The following STRN4 variants were observed in gnomAD, a reference collection of about 807,000 sequenced individuals.
STRN4 encodes striatin-4.
Under a neutral mutation model 77.9 loss-of-function variants are expected in STRN4, and 27 were observed. The ratio of observed to expected loss-of-function variants is 0.35; its 90% confidence interval spans 0.26 to 0.48. The LOEUF is 0.48. STRN4 is among the 20% of genes least tolerant of loss of function. The pLI, the probability that STRN4 is intolerant of heterozygous loss-of-function variation, is 0.99. For missense variants in STRN4, 798 were observed against 1,049.7 expected (o/e 0.76, Z 3.31); for synonymous variants, 466 against 443.1 (o/e 1.05, Z -0.65).
intron 7 of STRN4, 99 bp downstream of exon 7, chr19:46,728,519 G>A: frequency 6.9e-7 from 1 of 1,440,730 alleles, no homozygotes; most frequent in African/African-American, 1.4e-5. Context: ...CCGTCCGGTA[G>A]AGAGACCCTG....
chr19:46,738,786 T>C lies in STRN4; in HGVS notation c.385A>G (p.Arg129Gly). ...GCCCAGGGCAGGATGAAGGCTCACC[T>C]TTCCTGCTTCAGCGCATACTCTAGC... ...KMLEYALKQE[R>G]AKYHKLKFGT... Residue 129 changes from arginine to glycine, a missense_variant and splice_region_variant, in exon 2 of 18, where the codon AGG becomes GGG. Arg to Gly is a moderately radical substitution (Grantham distance 125, BLOSUM62 -2). Around this residue, in one of 2 missense-constraint regions of STRN4, gnomAD observed 511 missense variants for 575.9 expected, o/e 0.89. Coordinates refer to ENST00000263280, the MANE Select transcript of STRN4 (RefSeq NM_013403.3). The surrounding 1 kb of genome is among the most constrained non-coding windows in gnomAD (Gnocchi z 4.5). 3 of 1,614,070 alleles carry C rather than the reference T, an allele frequency of 1.9e-6. No individual in the cohort carries two copies. The highest frequency in any genetic ancestry group is 1.7e-6 in the Non-Finnish European group (2 of 1,179,970).
rs757741153 is a variant in STRN4, at chr19:46,738,894, A to G, written c.283-6T>C. 4.3e-6 allele frequency: 7 copies of G among 1,612,804 alleles called. No individual in the cohort carries two copies. The highest frequency in any genetic ancestry group is 5.9e-6 in the Non-Finnish European group (7 of 1,179,420). On this transcript the variant is annotated splice_polypyrimidine_tract_variant and splice_region_variant and intron_variant, in intron 1 of 17. Coordinates refer to ENST00000263280, the MANE Select transcript of STRN4 (RefSeq NM_013403.3). This position sits in a 1 kb window ranked among gnomAD's most constrained non-coding sequence, Gnocchi z 4.5. ...TGAAGGAAGGCCACCTGAGCCTGGG[A>G]GGGCAGACAGGAGGCAAAGGGAGAT... is the stretch of plus-strand genomic sequence containing the variant.
chr19:46,739,332 C>T (rs946562226), intron 1 of STRN4: 3 of 181,342 alleles, frequency 1.7e-5, no homozygotes, highest in Admixed American at 5.4e-5. Context: ...CTCTGGGAGG[C>T]GTGGGAAGCT....
In STRN4 at chr19:46,728,665, G is replaced by A; in HGVS notation, c.992C>T (p.Ala331Val). Residue 331 changes from alanine to valine, a missense_variant, in exon 7 of 18, where the codon GCT becomes GTT. Ala to Val is a moderately conservative substitution (Grantham distance 64). Coordinates refer to ENST00000263280, the MANE Select transcript of STRN4 (RefSeq NM_013403.3). ...FLGSGEDGEG[A>V]PDPRRCTVDG... ...CACAGTGCACCGCCGAGGGTCTGGA[G>A]CCCCTTCCCCATCCTCTCCTGAGCC... is the stretch of plus-strand genomic sequence containing the variant. The A allele has an allele frequency of 6.2e-7, 1 of 1,614,110 alleles. No homozygotes were observed. Among genetic ancestry groups the A allele is most frequent in the Non-Finnish European group, 8.5e-7 (1 of 1,179,992 alleles).
In STRN4 at chr19:46,722,090, G is replaced by A. The variant is rs1344629519; in HGVS notation, c.2006-18C>T. 6.2e-7 allele frequency: 1 copy of A among 1,612,020 alleles called. No individual in the cohort carries two copies. The highest frequency in any genetic ancestry group is 8.5e-7 in the Non-Finnish European group (1 of 1,179,954). On this transcript the variant is annotated intron_variant, in intron 15 of 17. Transcript: ENST00000263280. ...CGGCTTACCTGAGGCGAGAAGGGCG[G>A]GTGGCAGGTTCCCCTCCCACTCTGG...
chr19:46,723,329 GCTC>G lies in STRN4; in HGVS notation c.1595-48_1595-46del. The G allele has an allele frequency of 6.6e-7, 1 of 1,509,488 alleles. No individual in the cohort carries two copies. Among genetic ancestry groups the G allele is most frequent in the Non-Finnish European group, 8.9e-7 (1 of 1,129,162 alleles). The allele number at this position is 1,509,488 out of a possible 1,614,324, so 93.5% of individuals were successfully genotyped here. A position where few individuals can be genotyped will look rare whatever the true frequency, so the allele number is the denominator to read the frequency against. On this transcript the variant is annotated intron_variant, in intron 12 of 17. Transcript: ENST00000263280. This position sits in a 1 kb window ranked among gnomAD's most constrained non-coding sequence, Gnocchi z 5.5. ...GAAATGGGCTGTGTCAGGGCTGCCAGCTCCTCCCTGGACAGCCCAGAGCCCCAG... is the reference window on the plus strand; with the variant it reads ...GAAATGGGCTGTGTCAGGGCTGCCAGCTCCCTGGACAGCCCAGAGCCCCAG...
At chr19:46,744,573 T>C (rs2054538895) in intron 1 of STRN4, among the ~76,000 whole-genome samples, 1 of 152,082 alleles carries the variant, frequency 6.6e-6, no homozygotes, top group African/African-American at 2.4e-5. Context: ...TTTGTAGAGA[T>C]GAGGTCTTGC....
intron 4 of STRN4, among the ~76,000 whole-genome samples, chr19:46,735,921 A>C (rs895727027): frequency 4.7e-5 from 7 of 150,242 alleles, no homozygotes; most frequent in Non-Finnish European, 1.0e-4. Context: ...CCGAGATCGC[A>C]CCACTGCACT....
At chr19:46,728,517 T>C (rs1488489135) in intron 7 of STRN4, 101 bp downstream of exon 7, 13 of 1,431,196 alleles carry the variant, frequency 9.1e-6, no homozygotes, top group Non-Finnish European at 1.2e-5. Context: ...ATCCGTCCGG[T>C]AGAGAGACCC....
rs1414042330 is a variant in STRN4 at position 46,727,773 on chromosome 19, G to A, written c.1153+121C>T. 5.3e-6 allele frequency: 5 copies of A among 940,088 alleles called. No homozygotes were observed. In the East Asian group the frequency reaches 1.0e-4, roughly 20 times the overall value. The allele number at this position is 940,088 out of a possible 1,614,324, so 58.2% of individuals were successfully genotyped here. A position where few individuals can be genotyped will look rare whatever the true frequency, so the allele number is the denominator to read the frequency against. ...ACAGACAGACGAACTTTTGGGGCAG[G>A]GAGGCTGCAGACTGGAGGCTGGGCC... On this transcript the variant is annotated intron_variant, in intron 8 of 17. Coordinates refer to ENST00000263280, the MANE Select transcript of STRN4 (RefSeq NM_013403.3).
intron 5 of STRN4, 85 bp from the exon 6 acceptor site, chr19:46,730,958 GCCA>G (rs2054237167): frequency 3.2e-6 from 5 of 1,570,862 alleles, no homozygotes; most frequent in Non-Finnish European, 4.3e-6. Context: ...AGGCTTGGTG[GCCA>G]GAGCCCAGAC....
Position 46,738,129 on chromosome 19 carries a change from G to C in STRN4, c.460+35C>G. On this transcript the variant is annotated intron_variant, in intron 3 of 17. Coordinates refer to ENST00000263280, the MANE Select transcript of STRN4 (RefSeq NM_013403.3). The surrounding 1 kb of genome is among the most constrained non-coding windows in gnomAD (Gnocchi z 4.5). The stretch of plus-strand genomic sequence containing the variant: ...TCCAGAACACTCAGCTTCTGCGGGA[G>C]GGTGCCGACAGTGCGAGCATCAGAG... The C allele has an allele frequency of 6.2e-7, 1 of 1,600,826 alleles. No individual in the cohort carries two copies. Among genetic ancestry groups the C allele is most frequent in the Non-Finnish European group, 8.6e-7 (1 of 1,167,818 alleles).
intron 6 of STRN4, 23 bp from the exon 7 acceptor site, chr19:46,728,800 CA>C: frequency 6.2e-7 from 1 of 1,613,030 alleles, no homozygotes; most frequent in Non-Finnish European, 8.5e-7. Context: ...GAAAGCCAGA[CA>C]AGTCAGGGGG....
intron 1 of STRN4, among the ~76,000 whole-genome samples, chr19:46,739,136 G>A (rs921908149): frequency 6.6e-6 from 1 of 152,228 alleles, no homozygotes; most frequent in African/African-American, 2.4e-5. Context: ...TAACCCCTGA[G>A]ATAACAATGG....
chr19:46,736,259 G>A (rs911277181), intron 4 of STRN4: 4 of 151,970 alleles, frequency 2.6e-5, no homozygotes, highest in African/African-American at 7.3e-5. Context: ...CCTGGGCAAC[G>A]GAGCAGAAAC....
In STRN4 at chr19:46,736,844, T is replaced by C; in HGVS notation, c.518A>G (p.Glu173Gly). ...TLENSPLVWK[E>G]GRQLLRQYLE... ...TCACTGTCGGAGAAGCTGCCGCCCC[T>C]CCTTCCACACCAACGGGCTGTTCTC... is the stretch of plus-strand genomic sequence containing the variant. The change falls in exon 4 of 18, where the codon GAG becomes GGG. Residue 173 changes from glutamate to glycine, a missense_variant. This residue lies in a region of STRN4 where 511 missense variants were observed against 575.9 expected (regional missense o/e 0.89). Coordinates refer to ENST00000263280, the MANE Select transcript of STRN4 (RefSeq NM_013403.3). 6.2e-7 allele frequency: 1 copy of C among 1,609,124 alleles called. No individual in the cohort carries two copies.
chr19:46,725,068 G>T, intron 11 of STRN4, 140 bp from the exon 12 acceptor site: 1 of 1,354,680 alleles, frequency 7.4e-7, no homozygotes, highest in Non-Finnish European at 1.0e-6. Context: ...ATGCTACCTG[G>T]ACAAGCTGCC....
intron 4 of STRN4, chr19:46,736,552 CAAAAAAAA>C (rs777686904): frequency 5.1e-4 from 25 of 48,990 alleles, no homozygotes; most frequent in African/African-American, 9.9e-4. Flanking sequence ...GCCACTGAGA[CAAAAAAAA>C]AAAAAAAAAA....
In STRN4 at chr19:46,739,231, G is replaced by A. The variant is rs916331971; in HGVS notation, c.283-343C>T. 20 of 345,102 alleles carry A rather than the reference G, an allele frequency of 5.8e-5. No individual in the cohort carries two copies. In the Middle Eastern group the frequency reaches 2.9e-3, roughly 50 times the overall value. 21.4% of individuals were successfully genotyped at this position (345,102 alleles called of 1,614,324 possible). A position where few individuals can be genotyped will look rare whatever the true frequency, so the allele number is the denominator to read the frequency against. On this transcript the variant is annotated intron_variant, in intron 1 of 17. Transcript: ENST00000263280. ...GTGGAGAGGAGGGTGGGCATTCACC[G>A]CCCTGGACTACCCCTGACGCCCTCT...
Sources: gnomAD v4.1 joint callset for allele counts (sites outside exome capture counted in the v4.1 genomes callset) on GRCh38, gnomAD v4.1.1 for gene constraint, gnomAD v4.1.1 regional missense constraint, Gnocchi (gnomAD v3.1) non-coding constraint, MANE v1.5 for transcripts, NCBI Gene and HGNC (gene_info 2026-07-23, HGNC 2026-07-21) for gene names.